MYO16: variants seen among roughly 807,000 people sequenced by gnomAD.
MYO16 encodes the protein myosin XVI, also known as unconventional myosin-XVI.
In MYO16, 94 loss-of-function variants were observed where a neutral mutation model predicts 205.3. That is an observed-to-expected ratio of 0.46 (90% CI 0.39 to 0.54). The LOEUF (loss-of-function observed/expected upper bound fraction) is 0.54. MYO16 is among the 20% of genes least tolerant of loss of function. The pLI is 0.00. For missense variants in MYO16, 2,315 were observed against 2,387.5 expected (o/e 0.97, Z 0.63); for synonymous variants, 988 against 954.0 (o/e 1.04, Z -0.66).
At chr13:108,735,203 G>C (rs1051710075) in intron 4 of MYO16, among the ~76,000 whole-genome samples, 11 of 151,976 alleles carry the variant, frequency 7.2e-5, no homozygotes, top group African/African-American at 2.7e-4. Context: ...ATGTTGGTGT[G>C]CTGCACCCAT....
At chr13:109,123,508 C>G (rs1340669861) in intron 29 of MYO16, among the ~76,000 whole-genome samples, 1 of 152,054 alleles carries the variant, frequency 6.6e-6, no homozygotes, top group Non-Finnish European at 1.5e-5. Flanking sequence ...CTGCCTTTTT[C>G]GCGCTCAAGG....
At chr13:108,730,961 G>A (rs1884502140) in intron 4 of MYO16, among the ~76,000 whole-genome samples, 2 of 152,012 alleles carry the variant, frequency 1.3e-5, no homozygotes, top group African/African-American at 2.4e-5. Context: ...ATCCCATTAC[G>A]AATATTATAC....
intron 32 of MYO16, among the ~76,000 whole-genome samples, chr13:109,157,639 A>G (rs1008897162): frequency 6.6e-6 from 1 of 152,182 alleles, no homozygotes; most frequent in South Asian, 2.1e-4. Context: ...CACCTTGAAG[A>G]CAGTCCCCCT....
At chr13:108,605,493 G>C (rs919166657) in intron 1 of MYO16, among the ~76,000 whole-genome samples, 1 of 152,148 alleles carries the variant, frequency 6.6e-6, no homozygotes, top group Non-Finnish European at 1.5e-5. Context: ...TGGATCATGA[G>C]GGCGGTTCCC....
At chr13:108,754,898 T>C (rs1404438596) in intron 4 of MYO16, among the ~76,000 whole-genome samples, 1 of 152,140 alleles carries the variant, frequency 6.6e-6, no homozygotes, top group Non-Finnish European at 1.5e-5. Flanking sequence ...AACATTCCTG[T>C]GTTAGGAAAA....
the MYO16 span, among the ~76,000 whole-genome samples, chr13:108,565,730 G>T: frequency 6.6e-6 from 1 of 152,086 alleles, no homozygotes; most frequent in African/African-American, 2.4e-5. Flanking sequence ...AATAACAGTG[G>T]TGACAGTTGG....
chr13:108,747,536 A>C (rs923314862), intron 4 of MYO16, among the ~76,000 whole-genome samples: 4 of 152,160 alleles, frequency 2.6e-5, no homozygotes, highest in Non-Finnish European at 5.9e-5. Context: ...CAAAAGTATA[A>C]TTGTCGTGCT....
intron 12 of MYO16, among the ~76,000 whole-genome samples, chr13:108,869,753 AAAAAAAAGAAAC>A (rs1391810723): frequency 1.3e-5 from 2 of 148,272 alleles, no homozygotes; most frequent in East Asian, 1.9e-4. Flanking sequence ...AAAAAAAAAA[AAAAAAAAGAAAC>A]CACACATAAA....
At chr13:108,586,587 T>C in the MYO16 span, among the ~76,000 whole-genome samples, 1 of 152,208 alleles carries the variant, frequency 6.6e-6, no homozygotes, top group East Asian at 1.9e-4. Flanking sequence ...GTGGTCACTC[T>C]TAAGGGGCTG....
At chr13:108,647,111 G>A (rs1241054827) in intron 1 of MYO16, among the ~76,000 whole-genome samples, 1 of 152,048 alleles carries the variant, frequency 6.6e-6, no homozygotes, top group Non-Finnish European at 1.5e-5. Context: ...TGTCACTGCA[G>A]TTTGAAAGTT....
chr13:109,100,759 C>A, intron 27 of MYO16, 26 bp from the exon 28 acceptor site: 1 of 1,568,222 alleles, frequency 6.4e-7, no homozygotes, highest in Non-Finnish European at 8.8e-7. Flanking sequence ...GCAGTCATTG[C>A]TTTCTGTCTC....
intron 1 of MYO16, among the ~76,000 whole-genome samples, chr13:108,663,263 G>A (rs778341996): frequency 1.2e-4 from 18 of 151,764 alleles, no homozygotes; most frequent in Non-Finnish European, 1.9e-4. Flanking sequence ...CCTGCCTCCT[G>A]TCCACCATGA....
intron 27 of MYO16, among the ~76,000 whole-genome samples, chr13:109,084,742 T>G (rs1888386235): frequency 6.6e-6 from 1 of 152,136 alleles, no homozygotes; most frequent in Admixed American, 6.5e-5. Flanking sequence ...TCCTTCCTTT[T>G]TTTTTATTCA....
chr13:108,765,163 TC>T (rs11316381), intron 4 of MYO16, among the ~76,000 whole-genome samples: 10,465 of 152,224 alleles, frequency 0.069, 628 homozygotes, highest in East Asian at 0.24. Flanking sequence ...GTATAGCCTA[TC>T]CTTTCATATG....
At chr13:109,111,773 G>A (rs558386702) in intron 28 of MYO16, among the ~76,000 whole-genome samples, 23 of 150,876 alleles carry the variant, frequency 1.5e-4, no homozygotes, top group African/African-American at 5.6e-4. Flanking sequence ...TGCAACCTCC[G>A]CCTCCCAGGT....
intron 1 of MYO16, among the ~76,000 whole-genome samples, chr13:108,646,140 GA>G (rs1196537072): frequency 1.3e-5 from 2 of 152,164 alleles, no homozygotes; most frequent in Non-Finnish European, 2.9e-5. Flanking sequence ...TAGCTCCCAT[GA>G]AAGGAAAGTA....
chr13:108,525,784 T>C, the MYO16 span, among the ~76,000 whole-genome samples: 1 of 152,230 alleles, frequency 6.6e-6, no homozygotes, highest in Admixed American at 6.5e-5. Context: ...CCCACACATT[T>C]TGGATTTCTT....
chr13:108,615,704 C>T (rs1879327330), intron 1 of MYO16, among the ~76,000 whole-genome samples: 1 of 152,036 alleles, frequency 6.6e-6, no homozygotes, highest in Non-Finnish European at 1.5e-5. Flanking sequence ...CACAAAAGGC[C>T]ACATATGGTA....
At chr13:109,080,663 T>G (rs2139669086) in intron 27 of MYO16, among the ~76,000 whole-genome samples, 1 of 152,052 alleles carries the variant, frequency 6.6e-6, no homozygotes, top group African/African-American at 2.4e-5. Flanking sequence ...CAGGAAATCC[T>G]CCATTCTTTT....
Sources: gnomAD v4.1 joint callset for allele counts (sites outside exome capture counted in the v4.1 genomes callset) on GRCh38, gnomAD v4.1.1 for gene constraint, MANE v1.5 for transcripts, NCBI Gene and HGNC (gene_info 2026-07-23, HGNC 2026-07-21) for gene names.